Variants in MET observed in about 807,000 individuals in gnomAD.
MET encodes the protein MET proto-oncogene, receptor tyrosine kinase.
MET carries 48 observed loss-of-function variants against 133.1 expected under a neutral mutation model. The ratio of observed to expected loss-of-function variants is 0.36; its 90% CI spans 0.29 to 0.46. The LOEUF (loss-of-function observed/expected upper bound fraction) is 0.46, where lower values mean the gene tolerates loss of function less well. Among genes scored for constraint, MET ranks in the 20% least tolerant of loss-of-function variants. The pLI, the probability that MET is intolerant of heterozygous loss-of-function variation, is 1.00. For synonymous variants in MET, 628 were observed against 616.5 expected (o/e 1.02, Z -0.28); for missense variants, 1,442 against 1,695.9 (o/e 0.85, Z 2.63).
intron 5 of MET, among the ~76,000 whole-genome samples, chr7:116,747,075 C>T (rs1379886233): frequency 6.6e-6 from 1 of 152,098 alleles, no homozygotes; most frequent in Non-Finnish European, 1.5e-5. Context: ...AAATCCTTTA[C>T]AGTCAAGCAA....
intron 3 of MET, among the ~76,000 whole-genome samples, chr7:116,734,269 GA>G (rs1793131031): frequency 6.6e-6 from 1 of 152,202 alleles, no homozygotes; most frequent in Admixed American, 6.5e-5. Context: ...AAAGGGAACA[GA>G]AAGATGATTT....
chr7:116,777,051 T>A (rs573652957), intron 15 of MET, among the ~76,000 whole-genome samples: 103 of 152,340 alleles, frequency 6.8e-4, no homozygotes, highest in African/African-American at 2.4e-3. Context: ...TAAAAAAATT[T>A]ATTTGATGAG....
intron 9 of MET, 116 bp downstream of exon 9, chr7:116,758,736 T>C (rs534660573): frequency 5.9e-6 from 6 of 1,021,960 alleles, no homozygotes; most frequent in South Asian, 5.7e-5. Flanking sequence ...TTATGTTGCT[T>C]TTGAAGGCTT....
At chr7:116,761,639 A>T (rs557269117) in intron 10 of MET, among the ~76,000 whole-genome samples, 1 of 152,266 alleles carries the variant, frequency 6.6e-6, no homozygotes, top group South Asian at 2.1e-4. Context: ...AGGAGCCTGC[A>T]GTTTATTGTG....
At chr7:116,776,920 T>A (rs1315718744) in intron 15 of MET, among the ~76,000 whole-genome samples, 1 of 152,254 alleles carries the variant, frequency 6.6e-6, no homozygotes, top group Non-Finnish European at 1.5e-5. Context: ...ATACTAATCC[T>A]ATTTTTAATG....
chr7:116,795,753 G>C lies in MET; in HGVS notation c.3897G>C (p.Gly1299=), dbSNP rs2117108701. The part of the protein sequence containing the change: ...TFDITVYLLQ[G]RRLLQPEYCP... ...ATATAACTGTTTACTTGTTGCAAGGGAGAAGACTCCTACAACCCGAATACT... is the reference window on the plus strand; with the variant it reads ...ATATAACTGTTTACTTGTTGCAAGGCAGAAGACTCCTACAACCCGAATACT... The change falls in exon 20 of 21, where the codon GGG becomes GGC. Residue 1299 remains glycine (G), a synonymous_variant. Coordinates refer to ENST00000397752, the MANE Select transcript of MET (RefSeq NM_000245.4). 1 of 1,614,178 alleles carries C rather than the reference G, an allele frequency of 6.2e-7. No individual in the cohort carries two copies.
At chr7:116,741,721 CTA>C (rs1270724588) in intron 5 of MET, among the ~76,000 whole-genome samples, 1 of 152,210 alleles carries the variant, frequency 6.6e-6, no homozygotes, top group Non-Finnish European at 1.5e-5. Flanking sequence ...CAACGGATGA[CTA>C]TACTAACATC....
Position 116,758,556 on chromosome 7 carries a change from A to C in MET, c.2200A>C (p.Ser734Arg), listed in dbSNP as rs754228039. Residue 734 changes from serine to arginine, a missense_variant, in exon 9 of 21, where the codon AGC becomes CGC. Coordinates refer to ENST00000397752, the MANE Select transcript of MET (RefSeq NM_000245.4). ...LKIDLANRET[S>R]IFSYREDPIV... is the part of the protein sequence containing the mutation. ...AATTGACTTAGCCAACCGAGAGACA[A>C]GCATCTTCAGTTACCGTGAAGATCC... 6.2e-7 allele frequency: 1 copy of C among 1,613,912 alleles called. No individual in the cohort carries two copies. The highest frequency in any genetic ancestry group is 1.7e-5 in the Admixed American group (1 of 59,988).
chr7:116,767,037 A>T (rs1794649837), intron 11 of MET, among the ~76,000 whole-genome samples: 1 of 151,912 alleles, frequency 6.6e-6, no homozygotes, highest in Admixed American at 6.6e-5. Context: ...CCTCACCACC[A>T]CCTCACTAAT....
In MET at chr7:116,672,327, G is replaced by T; in HGVS notation, c.-265G>T. The T allele has an allele frequency of 3.5e-6, 1 of 284,194 alleles. No individual in the cohort carries two copies. Among genetic ancestry groups the T allele is most frequent in the Non-Finnish European group, 6.5e-6 (1 of 153,436 alleles). 17.6% of individuals were successfully genotyped at this position (284,194 alleles called of 1,614,324 possible). On this transcript the variant is annotated 5_prime_UTR_variant, in exon 1 of 21. Transcript: ENST00000397752. ...CTGAGTCACTGGCAGGGCAGCGCGC[G>T]TGTGGGAAGGGGCGGAGGGAGTGCG... is the stretch of plus-strand genomic sequence containing the variant.
At chr7:116,766,285 G>C (rs1794625329) in intron 11 of MET, among the ~76,000 whole-genome samples, 4 of 152,176 alleles carry the variant, frequency 2.6e-5, no homozygotes. Flanking sequence ...TGAGAATAAA[G>C]ATGCTTCAAA....
rs534406308 is a variant in MET at position 116,713,346 on chromosome 7, G to A, written c.1200+13062G>A. The stretch of plus-strand genomic sequence containing the variant: ...GGAGGCGGAGCTTGCAGTGAGCCGA[G>A]ATCCCGCCACTGCACTCCAGCCTGG... On this transcript the variant is annotated intron_variant, in intron 2 of 20. Coordinates refer to ENST00000397752, the MANE Select transcript of MET (RefSeq NM_000245.4). Among the ~76,000 whole-genome samples the A allele has an allele frequency of 1.8e-3, 269 of 149,484 alleles. 1 individual carries two copies. The Middle Eastern group carries it at 0.024, about 14-fold the overall frequency.
chr7:116,681,378 C>A (rs1187788796), intron 1 of MET, among the ~76,000 whole-genome samples: 1 of 152,172 alleles, frequency 6.6e-6, no homozygotes, highest in East Asian at 1.9e-4. Flanking sequence ...ATATCTAGCT[C>A]ATTATAATCT....
intron 1 of MET, 83 bp from the exon 2 acceptor site, chr7:116,698,988 G>T: frequency 6.3e-7 from 1 of 1,588,922 alleles, no homozygotes; most frequent in Non-Finnish European, 8.6e-7. Flanking sequence ...CTTTATTTCT[G>T]ATAGATTAAA....
chr7:116,714,923 A>G (rs1792134599), intron 2 of MET, among the ~76,000 whole-genome samples: 2 of 152,224 alleles, frequency 1.3e-5, no homozygotes, highest in Non-Finnish European at 2.9e-5. Context: ...AGAGCCATGG[A>G]TGACCTTACT....
intron 2 of MET, among the ~76,000 whole-genome samples, chr7:116,711,198 G>C (rs1791980898): frequency 6.6e-6 from 1 of 152,200 alleles, no homozygotes; most frequent in Non-Finnish European, 1.5e-5. Flanking sequence ...GCTGTTGTTT[G>C]TTTAATGCTG....
chr7:116,711,747 T>C (rs559014414), intron 2 of MET, among the ~76,000 whole-genome samples: 3 of 152,288 alleles, frequency 2.0e-5, no homozygotes, highest in Admixed American at 2.0e-4. Context: ...GTAAGTAATC[T>C]TTGTTAAGAG....
chr7:116,758,656 T>C (rs920820231), intron 9 of MET, 36 bp downstream of exon 9: 2 of 1,595,720 alleles, frequency 1.3e-6, no homozygotes, highest in African/African-American at 2.7e-5. Flanking sequence ...AAGAAAACAA[T>C]GAATACAAGG....
chr7:116,687,988 A>G (rs1796620676), intron 1 of MET, among the ~76,000 whole-genome samples: 3 of 152,220 alleles, frequency 2.0e-5, no homozygotes, highest in Admixed American at 2.0e-4. Context: ...CGATAACAGC[A>G]GAGGAAACTG....
Sources: allele counts gnomAD v4.1 joint callset (sites outside exome capture counted in the v4.1 genomes callset), GRCh38; gene constraint gnomAD v4.1.1; transcripts MANE v1.5; gene names NCBI Gene and HGNC (gene_info 2026-07-23, HGNC 2026-07-21).